The following IRAG1 variants were observed in gnomAD, a reference collection of about 807,000 sequenced individuals.
IRAG1 encodes the protein IP3R-associated cGMP kinase substrate.
A neutral mutation model predicts 106.2 loss-of-function variants in IRAG1; 62 were observed. The ratio of observed to expected loss-of-function variants is 0.58; its 90% CI spans 0.48 to 0.72. The LOEUF is 0.72. IRAG1 is among the 30% of genes least tolerant of loss of function. IRAG1 has a pLI of 0.00. For missense variants in IRAG1, 1,064 were observed against 1,140.7 expected (o/e 0.93, Z 0.97); for synonymous variants, 462 against 443.9 (o/e 1.04, Z -0.51).
At position 10,581,960 on chromosome 11, in the gene IRAG1, C is replaced by A; in HGVS notation, c.2267G>T (p.Cys756Phe). Residue 756 changes from cysteine (C) to phenylalanine (F), a missense_variant, in exon 19 of 21, where the codon TGT (cysteine) becomes TTT (phenylalanine). Physicochemically the swap from Cys to Phe is radical, Grantham distance 205 (BLOSUM62 -2). Coordinates refer to ENST00000423302, the MANE Select transcript of IRAG1 (RefSeq NM_130385.4). Reference protein sequence around the residue: ...ENGKTNGDPDCEASAPALTLS... With the variant: ...ENGKTNGDPDFEASAPALTLS... ...GGTCAGCGCAGGAGCAGAGGCTTCA[C>A]AATCTGGGTCCCCATTTGTCTTTCC... is the stretch of plus-strand genomic sequence containing the variant. 1 of 1,613,706 alleles carries A rather than the reference C, an allele frequency of 6.2e-7. No homozygotes were observed. The highest frequency in any genetic ancestry group is 1.3e-5 in the African/African-American group (1 of 75,028).
At chr11:10,583,670 T>C (rs1851625221) in intron 18 of IRAG1, among the ~76,000 whole-genome samples, 1 of 151,994 alleles carries the variant, frequency 6.6e-6, no homozygotes, top group Non-Finnish European at 1.5e-5. Context: ...CACATTTGAA[T>C]GTAGGTAGAA....
intron 1 of IRAG1, among the ~76,000 whole-genome samples, chr11:10,660,943 C>G (rs1170882613): frequency 6.6e-6 from 1 of 152,220 alleles, no homozygotes; most frequent in Non-Finnish European, 1.5e-5. Context: ...TGACCTGAGT[C>G]ACTGCAACAG....
chr11:10,610,904 T>TCTTTCTC (rs1854904481), intron 10 of IRAG1, among the ~76,000 whole-genome samples: 1 of 152,242 alleles, frequency 6.6e-6, no homozygotes, highest in Non-Finnish European at 1.5e-5. Context: ...CATGTTTTAC[T>TCTTTCTC]CTTTCTCCTG....
intron 1 of IRAG1, among the ~76,000 whole-genome samples, chr11:10,653,884 A>C (rs1385467946): frequency 6.6e-6 from 1 of 152,184 alleles, no homozygotes; most frequent in East Asian, 1.9e-4. Flanking sequence ...CTATAGAACT[A>C]ACAACTGGCC....
intron 2 of IRAG1, among the ~76,000 whole-genome samples, chr11:10,634,754 TG>T (rs1362115385): frequency 0.019 from 2 of 106 alleles, no homozygotes; most frequent in South Asian, 0.25. Flanking sequence ...ATAATATTCT[TG>T]TGTGTGTGTG....
chr11:10,651,584 T>C (rs1345440861), intron 2 of IRAG1, among the ~76,000 whole-genome samples: 3 of 152,254 alleles, frequency 2.0e-5, no homozygotes, highest in African/African-American at 7.2e-5. Context: ...TTCCTTTCTA[T>C]AATAAAATTT....
At chr11:10,680,372 G>GGAAA (rs1861097214) in intron 1 of IRAG1, among the ~76,000 whole-genome samples, 1 of 41,194 alleles carries the variant, frequency 2.4e-5, no homozygotes, top group Non-Finnish European at 4.2e-5. Context: ...AAAGAAAGAA[G>GGAAA]GAAGGAAGGA....
chr11:10,576,526 A>G lies in IRAG1; in HGVS notation c.2545T>C (p.Cys849Arg), dbSNP rs1173140573. 3 of 1,614,026 alleles carry G rather than the reference A, an allele frequency of 1.9e-6. No individual in the cohort carries two copies. The African/African-American group carries it at 4.0e-5, about 22-fold the overall frequency. Residue 849 changes from cysteine to arginine, a missense_variant, in exon 21 of 21, where the codon TGT (cysteine) becomes CGT (arginine). Coordinates refer to ENST00000423302, the MANE Select transcript of IRAG1 (RefSeq NM_130385.4). ...ATCCAGATCACTTGCCAGTGCTGAC[A>G]CAGTTTGGGATACATGACTTGTAAG... Reference protein sequence around the residue: ...HFLQVMYPKLCQHWQVIWMMA... With the variant: ...HFLQVMYPKLRQHWQVIWMMA...
Position 10,574,220 on chromosome 11 carries a change from A to AAGC in IRAG1, c.*2111_*2112insGCT, listed in dbSNP as rs1850713930. 6.6e-6 allele frequency: 1 copy of AAGC among 152,256 alleles called. No homozygotes were observed. The highest frequency in any genetic ancestry group is 1.5e-5 in the Non-Finnish European group (1 of 68,066). 9.4% of individuals were successfully genotyped at this position (152,256 alleles called of 1,614,324 possible). ...CTCACAGAGTAGACTGAAAAACAGA[A>AAGC]TAAGCTGAGGTTAAGAAAGATGTTG... On this transcript the variant is annotated 3_prime_UTR_variant, in exon 21 of 21. Coordinates refer to ENST00000423302, the MANE Select transcript of IRAG1 (RefSeq NM_130385.4).
chr11:10,674,077 A>G (rs908416476), intron 1 of IRAG1, among the ~76,000 whole-genome samples: 1 of 152,212 alleles, frequency 6.6e-6, no homozygotes, highest in Non-Finnish European at 1.5e-5. Context: ...CATTTAACAA[A>G]TATTTACAGA....
chr11:10,662,743 G>A (rs10840462), intron 1 of IRAG1, among the ~76,000 whole-genome samples: 30,842 of 152,190 alleles, frequency 0.2, 4,745 homozygotes, highest in East Asian at 0.81. Flanking sequence ...TTGCAAGGTG[G>A]TCATTGCCTT....
At chr11:10,640,459 C>T (rs1203953486) in intron 2 of IRAG1, among the ~76,000 whole-genome samples, 3 of 152,210 alleles carry the variant, frequency 2.0e-5, no homozygotes, top group Non-Finnish European at 4.4e-5. Flanking sequence ...AGTGTTCTTT[C>T]CCTCATCAGC....
At position 10,629,580 on chromosome 11, in the gene IRAG1, G is replaced by A. The variant is rs780862914; in HGVS notation, c.532C>T (p.Arg178Cys). ...GGGCTGCTCCTGGACTTCCTCCCAC[G>A]GCGGGTCAGGAATCGCTCACTCACC... ...KLVSERFLTRRGRKSRSSPGD... is the reference protein window; with the variant it reads ...KLVSERFLTRCGRKSRSSPGD... The change falls in exon 5 of 21, where the codon CGT becomes TGT. Residue 178 changes from arginine to cysteine, a missense_variant. By Grantham distance (180) the Arg-to-Cys change is radical. Coordinates refer to ENST00000423302, the MANE Select transcript of IRAG1 (RefSeq NM_130385.4). 37 of 1,613,698 alleles carry A rather than the reference G, an allele frequency of 2.3e-5. No individual in the cohort carries two copies. Among genetic ancestry groups the A allele is most frequent in the East Asian group, 6.7e-5 (3 of 44,884 alleles).
chr11:10,678,270 A>G (rs1445419908), intron 1 of IRAG1, among the ~76,000 whole-genome samples: 1 of 152,200 alleles, frequency 6.6e-6, no homozygotes, highest in Non-Finnish European at 1.5e-5. Context: ...AGCCTCAACA[A>G]CATGCTGGGT....
chr11:10,635,583 G>C (rs1050350574), intron 2 of IRAG1, among the ~76,000 whole-genome samples: 1 of 152,232 alleles, frequency 6.6e-6, no homozygotes, highest in Admixed American at 6.5e-5. Flanking sequence ...CCTTCAGTGT[G>C]CAGGTGTTGG....
intron 1 of IRAG1, among the ~76,000 whole-genome samples, chr11:10,680,323 G>GGGGAAGGAAGGAA (rs1861060290): frequency 1.2e-5 from 1 of 86,578 alleles, no homozygotes; most frequent in African/African-American, 5.4e-5. Flanking sequence ...GGAGGGAGGG[G>GGGGAAGGAAGGAA]GGAAGGAAGG....
chr11:10,573,459 C>T lies in IRAG1; in HGVS notation c.*2873G>A, dbSNP rs1256498990. The T allele has an allele frequency of 2.0e-5, 3 of 152,390 alleles. No individual in the cohort carries two copies. Among genetic ancestry groups the T allele is most frequent in the Non-Finnish European group, 2.9e-5 (2 of 68,166 alleles). 9.4% of individuals were successfully genotyped at this position (152,390 alleles called of 1,614,324 possible). A position where few individuals can be genotyped will look rare whatever the true frequency, so the allele number is the denominator to read the frequency against. The stretch of plus-strand genomic sequence containing the variant: ...ATCCAGGGCCTGTTTCTCTCCAGTT[C>T]ACTACCGCTTGGGCAGCAGCTCCCA... On this transcript the variant is annotated 3_prime_UTR_variant, in exon 21 of 21. Coordinates refer to ENST00000423302, the MANE Select transcript of IRAG1 (RefSeq NM_130385.4).
Position 10,628,125 on chromosome 11 carries a change from T to C in IRAG1, c.653-100A>G, listed in dbSNP as rs1038084386. The C allele has an allele frequency of 7.5e-7, 1 of 1,328,692 alleles. No individual in the cohort carries two copies. The highest frequency in any genetic ancestry group is 1.1e-6 in the Non-Finnish European group (1 of 939,644). The allele number at this position is 1,328,692 out of a possible 1,614,324, so 82.3% of individuals were successfully genotyped here. A position where few individuals can be genotyped will look rare whatever the true frequency, so the allele number is the denominator to read the frequency against. ...TCCCCGGGCTATCCTCCCTTTGCAA[T>C]CTCAGGCCTGGAAGATTTGCTGACT... On this transcript the variant is annotated intron_variant, in intron 6 of 20. Transcript: ENST00000423302. The surrounding 1 kb of genome is among the most constrained non-coding windows in gnomAD (Gnocchi z 4.1).
chr11:10,596,475 T>C (rs1384661294), intron 15 of IRAG1, among the ~76,000 whole-genome samples: 1 of 152,224 alleles, frequency 6.6e-6, no homozygotes, highest in Non-Finnish European at 1.5e-5. Context: ...CAGTTTCTCT[T>C]TGGTGTGTTT....
Sources: gnomAD v4.1 joint callset for allele counts (sites outside exome capture counted in the v4.1 genomes callset) on GRCh38, gnomAD v4.1.1 for gene constraint, Gnocchi (gnomAD v3.1) non-coding constraint, MANE v1.5 for transcripts, NCBI Gene and HGNC (gene_info 2026-07-23, HGNC 2026-07-21) for gene names.